Variants in HECTD2 observed in about 807,000 individuals in gnomAD.
HECTD2 encodes probable E3 ubiquitin-protein ligase HECTD2.
A neutral mutation model predicts 103.2 loss-of-function variants in HECTD2; 35 were observed. That is an observed-to-expected ratio of 0.34 (90% CI 0.26 to 0.45). The LOEUF (loss-of-function observed/expected upper bound fraction) is 0.45, where lower values mean the gene tolerates loss of function less well. Ranked by LOEUF, HECTD2 falls within the 20% of genes least tolerant of loss-of-function variation. The pLI, the probability that HECTD2 is intolerant of heterozygous loss-of-function variation, is 1.00. For synonymous variants in HECTD2, 281 were observed against 329.9 expected (o/e 0.85, Z 1.61); for missense variants, 596 against 937.4 (o/e 0.64, Z 4.76).
intron 2 of HECTD2, among the ~76,000 whole-genome samples, chr10:91,456,123 G>A (rs931836330): frequency 6.6e-6 from 1 of 152,196 alleles, no homozygotes; most frequent in Non-Finnish European, 1.5e-5. Context: ...GCCATTGGTA[G>A]CCTGATGGGG....
At chr10:91,430,639 T>G (rs1843816793) in intron 2 of HECTD2, among the ~76,000 whole-genome samples, 1 of 152,192 alleles carries the variant, frequency 6.6e-6, no homozygotes, top group Non-Finnish European at 1.5e-5. Flanking sequence ...TGTAATGGCC[T>G]TCTTTGTCTC....
chr10:91,462,324 T>G (rs1845384731), intron 5 of HECTD2, 140 bp downstream of exon 5: 2 of 1,131,348 alleles, frequency 1.8e-6, no homozygotes. Context: ...GCTGGAATTC[T>G]CATAAAGTTA....
At chr10:91,483,665 T>G (rs1434364814) in intron 8 of HECTD2, among the ~76,000 whole-genome samples, 1 of 151,980 alleles carries the variant, frequency 6.6e-6, no homozygotes, top group African/African-American at 2.4e-5. Context: ...AGTAGTTATA[T>G]TCTATAATGT....
rs1039372471 is a variant in HECTD2 at position 91,430,806 on chromosome 10, A to G, written c.268+5396A>G. ...GTGCGATGGGTTTCCTGAATACAGT[A>G]CACTGATGGGTCTTGACTCTTTATC... On this transcript the variant is annotated intron_variant, in intron 2 of 20. Coordinates refer to ENST00000298068, the MANE Select transcript of HECTD2 (RefSeq NM_182765.6). Among the ~76,000 whole-genome samples, 4 of 152,004 alleles carry G rather than the reference A, an allele frequency of 2.6e-5. No individual in the cohort carries two copies. The South Asian group carries it at 6.2e-4, about 24-fold the overall frequency.
intron 10 of HECTD2, chr10:91,485,914 G>A (rs1441728786): frequency 1.3e-5 from 2 of 152,008 alleles, no homozygotes; most frequent in Non-Finnish European, 2.9e-5. Flanking sequence ...CAGAGAAAGG[G>A]CCTTACCACA....
At chr10:91,449,969 A>T (rs1385801409) in intron 2 of HECTD2, among the ~76,000 whole-genome samples, 1 of 152,168 alleles carries the variant, frequency 6.6e-6, no homozygotes, top group Admixed American at 6.5e-5. Context: ...TAATTTATAG[A>T]TTCAATGCTA....
chr10:91,449,805 CA>C (rs1416281165), intron 2 of HECTD2, among the ~76,000 whole-genome samples: 4 of 151,460 alleles, frequency 2.6e-5, no homozygotes, highest in Non-Finnish European at 5.9e-5. Flanking sequence ...AAATACCTAG[CA>C]ATACAACTTA....
intron 1 of HECTD2, among the ~76,000 whole-genome samples, chr10:91,424,448 A>T (rs948926907): frequency 7.4e-6 from 1 of 134,674 alleles, no homozygotes. Context: ...TTAAAAGTGG[A>T]TGTTAAAAGA....
intron 2 of HECTD2, among the ~76,000 whole-genome samples, chr10:91,428,756 A>C (rs1315074180): frequency 2.0e-5 from 3 of 152,184 alleles, no homozygotes; most frequent in African/African-American, 7.2e-5. Flanking sequence ...GAAGTTGCTT[A>C]TCAGCTTAAG....
chr10:91,503,990 C>A (rs1847030030), intron 20 of HECTD2, among the ~76,000 whole-genome samples: 1 of 152,196 alleles, frequency 6.6e-6, no homozygotes, highest in Non-Finnish European at 1.5e-5. Context: ...AGCAGCCTAA[C>A]TGGGAGGCAC....
intron 6 of HECTD2, among the ~76,000 whole-genome samples, chr10:91,479,014 T>C (rs912009924): frequency 6.6e-6 from 1 of 152,084 alleles, no homozygotes; most frequent in Non-Finnish European, 1.5e-5. Context: ...AAGAAGAAAG[T>C]GTCAGTCTGG....
chr10:91,435,576 T>G (rs1402785343), intron 2 of HECTD2, among the ~76,000 whole-genome samples: 1 of 151,962 alleles, frequency 6.6e-6, no homozygotes, highest in East Asian at 1.9e-4. Context: ...CTGTATGGAG[T>G]GCAGCTGCCA....
At chr10:91,437,619 CTTT>C (rs59785873) in intron 2 of HECTD2, among the ~76,000 whole-genome samples, 51 of 87,408 alleles carry the variant, frequency 5.8e-4, no homozygotes, top group African/African-American at 1.4e-3. Flanking sequence ...GATGGTTGTT[CTTT>C]TTTTTTTTTT....
chr10:91,420,289 A>G (rs555154537), intron 1 of HECTD2, among the ~76,000 whole-genome samples: 82 of 151,984 alleles, frequency 5.4e-4, no homozygotes, highest in Non-Finnish European at 1.1e-3. Context: ...ACAAAAAAAA[A>G]AAAAAAGAAA....
chr10:91,437,010 A>C (rs892289296), intron 2 of HECTD2, among the ~76,000 whole-genome samples: 1 of 148,632 alleles, frequency 6.7e-6, no homozygotes, highest in African/African-American at 2.5e-5. Context: ...AACCTGAAAA[A>C]CCTCCCTTTG....
chr10:91,426,595 C>T (rs1380673112), intron 2 of HECTD2, among the ~76,000 whole-genome samples: 1 of 151,922 alleles, frequency 6.6e-6, no homozygotes, highest in African/African-American at 2.4e-5. Flanking sequence ...AGCACACACA[C>T]ACCCCTCCGT....
At chr10:91,459,096 A>T (rs1378214421) in intron 2 of HECTD2, among the ~76,000 whole-genome samples, 1 of 152,064 alleles carries the variant, frequency 6.6e-6, no homozygotes, top group South Asian at 2.1e-4. Flanking sequence ...AAGAAGATAT[A>T]TGGATGGAAA....
rs999680969 is a variant in HECTD2, at chr10:91,498,196, C to G, written c.1755+14C>G. ...TCAACATTTCAGGTACTATTAAGGG[C>G]AAGTAGTTATCTGTTAATCATATAT... On this transcript the variant is annotated intron_variant, in intron 16 of 20. Coordinates refer to ENST00000298068, the MANE Select transcript of HECTD2 (RefSeq NM_182765.6). The G allele has an allele frequency of 1.3e-6, 2 of 1,540,240 alleles. No homozygotes were observed. Among genetic ancestry groups the G allele is most frequent in the African/African-American group, 2.7e-5 (2 of 73,518 alleles).
In HECTD2 at chr10:91,478,283, A is replaced by G. The variant is rs757353542; in HGVS notation, c.665+18A>G. ...TGGAAAGGGTAAACTAATATTTTCA[A>G]TATTTAGCTAATCAGTATAGATGTC... is the stretch of plus-strand genomic sequence containing the variant. On this transcript the variant is annotated intron_variant, in intron 6 of 20. Transcript: ENST00000298068. The G allele has an allele frequency of 4.8e-6, 7 of 1,448,564 alleles. No individual in the cohort carries two copies. The highest frequency in any genetic ancestry group is 2.3e-5 in the East Asian group (1 of 43,960). 89.7% of individuals were successfully genotyped at this position (1,448,564 alleles called of 1,614,324 possible).
Sources: allele counts gnomAD v4.1 joint callset (sites outside exome capture counted in the v4.1 genomes callset), GRCh38; gene constraint gnomAD v4.1.1; transcripts MANE v1.5; gene names NCBI Gene and HGNC (gene_info 2026-07-23, HGNC 2026-07-21).